DOCK9: variants seen among roughly 807,000 people sequenced by gnomAD.
DOCK9 encodes dedicator of cytokinesis 9.
A neutral mutation model predicts 263.3 loss-of-function variants in DOCK9; 89 were observed. That is an observed-to-expected ratio of 0.34 (90% CI 0.28 to 0.40). The LOEUF (loss-of-function observed/expected upper bound fraction) is 0.40, where lower values mean the gene tolerates loss of function less well. Among genes scored for constraint, DOCK9 ranks in the 10% least tolerant of loss-of-function variants. DOCK9 has a pLI of 1.00. For missense variants in DOCK9, 2,140 were observed against 2,603.4 expected (o/e 0.82, Z 3.87); for synonymous variants, 976 against 973.1 (o/e 1.00, Z -0.06).
At chr13:98,997,757 C>T (rs1881382141) in intron 1 of DOCK9, among the ~76,000 whole-genome samples, 1 of 152,238 alleles carries the variant, frequency 6.6e-6, no homozygotes, top group South Asian at 2.1e-4. Context: ...ACTCCAGTCA[C>T]CCCCTGACTT....
intron 1 of DOCK9, among the ~76,000 whole-genome samples, chr13:98,984,789 A>C (rs1878053676): frequency 6.6e-6 from 1 of 152,192 alleles, no homozygotes; most frequent in Non-Finnish European, 1.5e-5. Context: ...TTTACCTGTA[A>C]AATGAAGGAC....
intron 1 of DOCK9, among the ~76,000 whole-genome samples, chr13:99,061,079 C>T (rs1292448113): frequency 1.3e-5 from 2 of 152,154 alleles, no homozygotes; most frequent in Non-Finnish European, 2.9e-5. Flanking sequence ...AATCCCTTGC[C>T]TTTTAAGGAT....
chr13:98,994,195 T>C (rs2390180), intron 1 of DOCK9, among the ~76,000 whole-genome samples: 79,621 of 152,156 alleles, frequency 0.52, 21,131 homozygotes, highest in South Asian at 0.68. Flanking sequence ...CTGGGGTGCC[T>C]ACCATCTCCT....
rs192776096 is a variant in DOCK9, at chr13:98,796,386, C to G, written c.6156+729G>C. Among the ~76,000 whole-genome samples, 174 of 152,236 alleles carry G rather than the reference C, an allele frequency of 1.1e-3. 1 individual carries two copies. Among genetic ancestry groups the G allele is most frequent in the Middle Eastern group, 0.01 (3 of 294 alleles). Reference sequence around the variant, plus strand: ...GAAGGACGATAATGGAGGGGCCAGACAGAGCAGTTCTGTGTTATCAAGGTG... The same window carrying G: ...GAAGGACGATAATGGAGGGGCCAGAGAGAGCAGTTCTGTGTTATCAAGGTG... On this transcript the variant is annotated intron_variant, in intron 52 of 52. Transcript: ENST00000682017.
At chr13:98,967,966 G>GA (rs5806086) in intron 1 of DOCK9, among the ~76,000 whole-genome samples, 52,921 of 150,054 alleles carry the variant, frequency 0.35, 9,690 homozygotes, top group African/African-American at 0.47. Flanking sequence ...TTTTCCTACA[G>GA]AAAAAAAAAA....
At chr13:98,875,123 A>G (rs1447617069) in intron 27 of DOCK9, among the ~76,000 whole-genome samples, 1 of 152,170 alleles carries the variant, frequency 6.6e-6, no homozygotes, top group Non-Finnish European at 1.5e-5. Context: ...CTTCCTGCAC[A>G]CTGCTCTAAA....
In DOCK9 at chr13:98,890,459, C is replaced by T. The variant is rs113715303; in HGVS notation, c.1710-1748G>A. Among the ~76,000 whole-genome samples, 553 of 152,286 alleles carry T rather than the reference C, an allele frequency of 3.6e-3. 1 individual carries two copies. The highest frequency in any genetic ancestry group is 0.01 in the Middle Eastern group (3 of 294). On this transcript the variant is annotated intron_variant, in intron 15 of 52. Coordinates refer to ENST00000682017, the MANE Select transcript of DOCK9 (RefSeq NM_001366683.2). ...GCACTCCTCTACTACACAAGCTTAG[C>T]GGCGCAGTTACAAAGAGAGAAGAAA...
chr13:98,881,651 A>G (rs1291641216), intron 24 of DOCK9, 24 bp from the exon 25 acceptor site: 6 of 1,588,046 alleles, frequency 3.8e-6, no homozygotes, highest in Admixed American at 1.8e-5. Flanking sequence ...GAGTGAATAA[A>G]GCAAAGAATA....
intron 1 of DOCK9, among the ~76,000 whole-genome samples, chr13:98,998,415 G>C (rs1036625144): frequency 6.6e-6 from 1 of 152,152 alleles, no homozygotes; most frequent in African/African-American, 2.4e-5. Flanking sequence ...ATTATGTGTG[G>C]AGCACTCGAA....
At chr13:98,831,322 G>A (rs1330943890) in intron 41 of DOCK9, 26 bp downstream of exon 41, 1 of 1,584,552 alleles carries the variant, frequency 6.3e-7, no homozygotes, top group East Asian at 2.3e-5. Flanking sequence ...GAGTAAATCT[G>A]TATTGGAAAG....
At chr13:99,073,385 CCT>C (rs922775206) in intron 1 of DOCK9, among the ~76,000 whole-genome samples, 16 of 149,658 alleles carry the variant, frequency 1.1e-4, no homozygotes, top group Non-Finnish European at 1.5e-4. Flanking sequence ...CTCTCTCTCT[CCT>C]CTCTCTCTCT....
intron 1 of DOCK9, among the ~76,000 whole-genome samples, chr13:99,072,259 C>T (rs192473373): frequency 3.3e-5 from 5 of 152,278 alleles, no homozygotes; most frequent in South Asian, 2.1e-4. Flanking sequence ...TCTTCCACAG[C>T]GCTACGGTCC....
At chr13:98,884,850 T>G (rs138242012) in intron 21 of DOCK9, 121 bp downstream of exon 21, 13,517 of 1,187,916 alleles carry the variant, frequency 0.011, 147 homozygotes, top group Middle Eastern at 0.036. Context: ...AATGAATAAC[T>G]AATATCAAAA....
intron 1 of DOCK9, among the ~76,000 whole-genome samples, chr13:99,018,468 G>A (rs80249173): frequency 0.025 from 3,867 of 152,300 alleles, 69 homozygotes; most frequent in Middle Eastern, 0.044. Flanking sequence ...AAATTACCCT[G>A]TTTGTGGTAT....
At chr13:99,035,150 G>T (rs928752078) in intron 1 of DOCK9, among the ~76,000 whole-genome samples, 2 of 151,930 alleles carry the variant, frequency 1.3e-5, no homozygotes, top group East Asian at 3.8e-4. Context: ...GCAGAAGAAA[G>T]ATCAAATTCA....
At chr13:98,977,205 T>TA (rs1407429038) in intron 1 of DOCK9, among the ~76,000 whole-genome samples, 1 of 152,234 alleles carries the variant, frequency 6.6e-6, no homozygotes, top group African/African-American at 2.4e-5. Context: ...GCTGAGAGTT[T>TA]AGCTGATGTT....
chr13:98,879,594 G>C (rs765618989), intron 27 of DOCK9, among the ~76,000 whole-genome samples: 4 of 152,182 alleles, frequency 2.6e-5, no homozygotes, highest in Non-Finnish European at 4.4e-5. Flanking sequence ...TAATAACCAA[G>C]TGATTCAGGA....
intron 39 of DOCK9, among the ~76,000 whole-genome samples, chr13:98,833,974 TC>T (rs1294600179): frequency 1.3e-5 from 2 of 152,252 alleles, no homozygotes; most frequent in Non-Finnish European, 2.9e-5. Flanking sequence ...CTTATTTCTA[TC>T]TTTTTATCCC....
At chr13:98,926,003 C>T in intron 3 of DOCK9, 84 bp from the exon 4 acceptor site, 2 of 1,185,304 alleles carry the variant, frequency 1.7e-6, no homozygotes, top group Non-Finnish European at 1.2e-6. Context: ...TTTGTGAAGG[C>T]ATACCCATAG....
Sources: allele counts gnomAD v4.1 joint callset (sites outside exome capture counted in the v4.1 genomes callset), GRCh38; gene constraint gnomAD v4.1.1; transcripts MANE v1.5; gene names NCBI Gene and HGNC (gene_info 2026-07-23, HGNC 2026-07-21).